Variants in PTPRD observed in about 807,000 individuals in gnomAD.
The protein encoded by PTPRD is protein tyrosine phosphatase receptor type D.
In PTPRD, 34 loss-of-function variants were observed where a neutral mutation model predicts 214.5. That is an observed-to-expected ratio of 0.16 (90% CI 0.12 to 0.21). The LOEUF (loss-of-function observed/expected upper bound fraction) is 0.21. Ranked by LOEUF, PTPRD falls within the 10% of genes least tolerant of loss-of-function variation. The pLI, the probability that PTPRD is intolerant of heterozygous loss-of-function variation, is 1.00. For synonymous variants in PTPRD, 1,128 were observed against 845.7 expected (o/e 1.33, Z -5.79); for missense variants, 2,545 against 2,398.7 (o/e 1.06, Z -1.27).
chr9:8,770,060 C>T (rs1308331857), intron 11 of PTPRD, among the ~76,000 whole-genome samples: 2 of 152,120 alleles, frequency 1.3e-5, no homozygotes, highest in Non-Finnish European at 2.9e-5. Flanking sequence ...GCCGGTGGAT[C>T]ACCTGAGGTC....
chr9:9,465,581 A>T (rs375775093), intron 8 of PTPRD, among the ~76,000 whole-genome samples: 1 of 152,230 alleles, frequency 6.6e-6, no homozygotes, highest in Non-Finnish European at 1.5e-5. Flanking sequence ...TTCTGTCTCT[A>T]CAGGACAGTT....
intron 8 of PTPRD, among the ~76,000 whole-genome samples, chr9:9,565,884 C>T (rs546944929): frequency 6.6e-6 from 1 of 151,980 alleles, no homozygotes; most frequent in African/African-American, 2.4e-5. Context: ...GACCAAGTAA[C>T]CCTACTTAAA....
At chr9:9,010,872 G>T (rs1025656048) in intron 11 of PTPRD, among the ~76,000 whole-genome samples, 6 of 152,102 alleles carry the variant, frequency 3.9e-5, no homozygotes, top group African/African-American at 1.4e-4. Context: ...GCTAGTGATT[G>T]GCAGACAAAT....
chr9:10,440,550 G>C (rs983915803), intron 2 of PTPRD, among the ~76,000 whole-genome samples: 4 of 151,622 alleles, frequency 2.6e-5, no homozygotes, highest in Non-Finnish European at 5.9e-5. Context: ...GAGACATAGA[G>C]AAAGATAGAG....
intron 3 of PTPRD, among the ~76,000 whole-genome samples, chr9:10,216,739 C>A (rs2099543085): frequency 6.6e-6 from 1 of 151,998 alleles, no homozygotes; most frequent in Non-Finnish European, 1.5e-5. Flanking sequence ...GGAATAAATT[C>A]ACTTCAACTG....
chr9:8,488,348 G>C (rs930782786), intron 27 of PTPRD, among the ~76,000 whole-genome samples: 1 of 152,190 alleles, frequency 6.6e-6, no homozygotes, highest in African/African-American at 2.4e-5. Flanking sequence ...ATATAACTCA[G>C]CTAATCTACA....
rs145358211 is a variant in PTPRD at position 8,768,351 on chromosome 9, G to A, written c.-103-34405C>T. On this transcript the variant is annotated intron_variant, in intron 11 of 45. Coordinates refer to ENST00000381196, the MANE Select transcript of PTPRD (RefSeq NM_002839.4). ...GGATCCCTTGAGCCTATAAGTTCAG[G>A]ACCAGTCTGAGCAACATGGCAAAAC... Among the ~76,000 whole-genome samples the A allele has an allele frequency of 1.9e-3, 288 of 152,270 alleles. 1 individual carries two copies. The highest frequency in any genetic ancestry group is 6.5e-3 in the African/African-American group (270 of 41,554).
intron 9 of PTPRD, among the ~76,000 whole-genome samples, chr9:9,286,667 C>A (rs1264629017): frequency 6.6e-6 from 1 of 150,806 alleles, no homozygotes; most frequent in Non-Finnish European, 1.5e-5. Flanking sequence ...CCCTTTTTTG[C>A]AATCCATTGG....
chr9:8,985,416 T>A (rs1414728610), intron 11 of PTPRD, among the ~76,000 whole-genome samples: 1 of 152,040 alleles, frequency 6.6e-6, no homozygotes, highest in African/African-American at 2.4e-5. Context: ...CCAACATAGA[T>A]CCATTAATAC....
chr9:9,281,624 G>A (rs1947728802), intron 9 of PTPRD, among the ~76,000 whole-genome samples: 1 of 151,266 alleles, frequency 6.6e-6, no homozygotes, highest in African/African-American at 2.4e-5. Context: ...ATGTGGAACA[G>A]CAGGAATTCT....
At chr9:9,940,768 C>T (rs1476820036) in intron 4 of PTPRD, among the ~76,000 whole-genome samples, 2 of 152,160 alleles carry the variant, frequency 1.3e-5, no homozygotes. Flanking sequence ...TCTGCACTTT[C>T]GTAAGGGTTG....
At chr9:9,195,141 T>C (rs972575471) in intron 9 of PTPRD, among the ~76,000 whole-genome samples, 6 of 150,214 alleles carry the variant, frequency 4.0e-5, no homozygotes, top group Non-Finnish European at 5.9e-5. Flanking sequence ...TACCCATATA[T>C]ACAACTTTTA....
chr9:10,264,602 T>C (rs985922782), intron 3 of PTPRD, among the ~76,000 whole-genome samples: 6 of 152,178 alleles, frequency 3.9e-5, no homozygotes, highest in African/African-American at 7.2e-5. Context: ...AGGAAGTAGC[T>C]AACTTGCTTT....
intron 8 of PTPRD, among the ~76,000 whole-genome samples, chr9:9,449,605 T>C (rs1391705920): frequency 6.6e-6 from 1 of 151,996 alleles, no homozygotes; most frequent in Non-Finnish European, 1.5e-5. Flanking sequence ...AACCTCGTCC[T>C]TGCAAACATA....
At chr9:9,010,918 T>C (rs2099509166) in intron 11 of PTPRD, among the ~76,000 whole-genome samples, 1 of 152,158 alleles carries the variant, frequency 6.6e-6, no homozygotes, top group Admixed American at 6.5e-5. Flanking sequence ...ACCAAGGGCG[T>C]CCTCACGAAA....
chr9:8,780,955 T>C (rs1429244728), intron 11 of PTPRD, among the ~76,000 whole-genome samples: 1 of 152,194 alleles, frequency 6.6e-6, no homozygotes, highest in African/African-American at 2.4e-5. Flanking sequence ...ATTGTAAGTA[T>C]AAATTAACCT....
chr9:8,446,953 A>C (rs187663397), intron 34 of PTPRD, among the ~76,000 whole-genome samples: 3 of 152,358 alleles, frequency 2.0e-5, no homozygotes, highest in Admixed American at 1.3e-4. Flanking sequence ...AAATCTATGC[A>C]GGCTGAAGCA....
chr9:8,408,801 A>C (rs1462354415), intron 35 of PTPRD, among the ~76,000 whole-genome samples: 1 of 152,130 alleles, frequency 6.6e-6, no homozygotes, highest in Non-Finnish European at 1.5e-5. Flanking sequence ...AAACCTTTCT[A>C]ACGCTAACAA....
At chr9:10,108,666 T>A (rs1207038058) in intron 3 of PTPRD, among the ~76,000 whole-genome samples, 1 of 152,114 alleles carries the variant, frequency 6.6e-6, no homozygotes, top group Non-Finnish European at 1.5e-5. Flanking sequence ...TTCTGCACTC[T>A]CATATTTACT....
Sources: allele counts gnomAD v4.1 joint callset (sites outside exome capture counted in the v4.1 genomes callset), GRCh38; gene constraint gnomAD v4.1.1; transcripts MANE v1.5; gene names NCBI Gene and HGNC (gene_info 2026-07-23, HGNC 2026-07-21).